Variants in PCDHGB1 observed in about 807,000 individuals in gnomAD.
PCDHGB1 encodes protocadherin gamma-B1.
Under a neutral mutation model 56.6 loss-of-function variants are expected in PCDHGB1, and 34 were observed. The ratio of observed to expected loss-of-function variants is 0.60; its 90% CI spans 0.46 to 0.80. The LOEUF is 0.80. Ranked by LOEUF, PCDHGB1 falls within the 30% of genes least tolerant of loss-of-function variation. The probability of loss-of-function intolerance (pLI) is 0.00; values close to 1 mark genes in which losing one functional copy is unlikely to be tolerated. For missense variants in PCDHGB1, 1,278 were observed against 1,204.6 expected (o/e 1.06, Z -0.90); for synonymous variants, 561 against 505.9 (o/e 1.11, Z -1.46).
chr5:141,458,386 G>T (rs1037969327), intron 1 of PCDHGB1, among the ~76,000 whole-genome samples: 2 of 152,070 alleles, frequency 1.3e-5, no homozygotes, highest in African/African-American at 2.4e-5. Flanking sequence ...GAAGGAAGAC[G>T]CTCCCCCTTG....
chr5:141,503,304 A>G (rs946582779), intron 2 of PCDHGB1, among the ~76,000 whole-genome samples: 1 of 152,150 alleles, frequency 6.6e-6, no homozygotes, highest in African/African-American at 2.4e-5. Flanking sequence ...ATTGCTCAAG[A>G]AAGAATTGTT....
chr5:141,357,302 C>T, intron 1 of PCDHGB1: 1 of 1,614,086 alleles, frequency 6.2e-7, no homozygotes, highest in Non-Finnish European at 8.5e-7. Flanking sequence ...GCCGCTGTCT[C>T]CTGCGTCTTC....
chr5:141,371,078 C>A (rs776361776), intron 1 of PCDHGB1: 1 of 1,613,770 alleles, frequency 6.2e-7, no homozygotes, highest in African/African-American at 1.3e-5. Context: ...CCACCCAGAT[C>A]AGGGTAATTG....
intron 1 of PCDHGB1, chr5:141,415,515 G>C: frequency 6.2e-7 from 1 of 1,614,152 alleles, no homozygotes; most frequent in Non-Finnish European, 8.5e-7. Flanking sequence ...CCAATTATGC[G>C]GACACGCTCA....
chr5:141,477,639 G>T lies in PCDHGB1; in HGVS notation c.2410-17168G>T, dbSNP rs2099414883. ...GGAGCTGAAACCGGGCTAGTGGGTCGCTATTTCACAATAAATCGTGACAAT... is the reference window on the plus strand; with the variant it reads ...GGAGCTGAAACCGGGCTAGTGGGTCTCTATTTCACAATAAATCGTGACAAT... On this transcript the variant is annotated intron_variant, in intron 1 of 3. Transcript: ENST00000523390. The surrounding 1 kb of genome is among the most constrained non-coding windows in gnomAD (Gnocchi z 4.9). 3.1e-6 allele frequency: 5 copies of T among 1,614,004 alleles called. No homozygotes were observed. Among genetic ancestry groups the T allele is most frequent in the Non-Finnish European group, 4.2e-6 (5 of 1,180,034 alleles).
chr5:141,353,837 G>A (rs1434826134), intron 1 of PCDHGB1, among the ~76,000 whole-genome samples: 1 of 152,124 alleles, frequency 6.6e-6, no homozygotes, highest in East Asian at 1.9e-4. Flanking sequence ...TGCGGTCTTT[G>A]AGGATTGTGA....
At position 141,415,428 on chromosome 5, in the gene PCDHGB1, G is replaced by T. The variant is rs948747218; in HGVS notation, c.2409+62759G>T. 1.5e-5 allele frequency: 24 copies of T among 1,614,088 alleles called. No individual in the cohort carries two copies. In the Admixed American group the frequency reaches 1.7e-4, roughly 11 times the overall value. ...ACTTTGTGGGCGTGGACGGGGTTCG[G>T]GCTTTCCTGCAGACCTATTCCCACG... On this transcript the variant is annotated intron_variant, in intron 1 of 3. Transcript: ENST00000523390.
chr5:141,485,118 G>C lies in PCDHGB1; in HGVS notation c.2410-9689G>C, dbSNP rs547390669. 1 of 1,331,536 alleles carries C rather than the reference G, an allele frequency of 7.5e-7. No homozygotes were observed. Among genetic ancestry groups the C allele is most frequent in the East Asian group, 2.3e-5 (1 of 43,534 alleles). The allele number at this position is 1,331,536 out of a possible 1,614,324, so 82.5% of individuals were successfully genotyped here. On this transcript the variant is annotated intron_variant, in intron 1 of 3. Coordinates refer to ENST00000523390, the MANE Select transcript of PCDHGB1 (RefSeq NM_018922.3). The surrounding 1 kb of genome is among the most constrained non-coding windows in gnomAD (Gnocchi z 5.7). ...TCTCCAGCTGCTGTGGCTGTTTGGG[G>C]CGGGTCGGCTTCATCCGCGTCTCAG...
chr5:141,405,527 C>T (rs1055420196), intron 1 of PCDHGB1: 7 of 670,510 alleles, frequency 1.0e-5, no homozygotes, highest in Non-Finnish European at 1.8e-5. Flanking sequence ...TCAAGCGATT[C>T]TCCTGCCTCA....
intron 3 of PCDHGB1, among the ~76,000 whole-genome samples, chr5:141,509,419 T>C (rs2154594533): frequency 6.6e-6 from 1 of 152,216 alleles, no homozygotes; most frequent in South Asian, 2.1e-4. Flanking sequence ...CGAGCCCCAA[T>C]GAGTCAAACT....
Position 141,476,278 on chromosome 5 carries a change from T to C in PCDHGB1, c.2410-18529T>C, listed in dbSNP as rs746655724. On this transcript the variant is annotated intron_variant, in intron 1 of 3. Transcript: ENST00000523390. The surrounding 1 kb of genome is among the most constrained non-coding windows in gnomAD (Gnocchi z 7.6). ...CTGTGGGCAACGTGGTCGCGAACCTTGGTTTGGATCTCGGTAGCCTCTCAG... is the reference window on the plus strand; with the variant it reads ...CTGTGGGCAACGTGGTCGCGAACCTCGGTTTGGATCTCGGTAGCCTCTCAG... The C allele has an allele frequency of 3.2e-5, 52 of 1,613,758 alleles. No homozygotes were observed. Among genetic ancestry groups the C allele is most frequent in the Non-Finnish European group, 4.2e-5 (49 of 1,179,958 alleles).
In PCDHGB1 at chr5:141,350,621, C is replaced by A; in HGVS notation, c.361C>A (p.Gln121Lys). The A allele has an allele frequency of 6.2e-7, 1 of 1,613,982 alleles. No homozygotes were observed. The highest frequency in any genetic ancestry group is 8.5e-7 in the Non-Finnish European group (1 of 1,179,898). The change falls in exon 1 of 4, where the codon CAA (glutamine) becomes AAA (lysine). Residue 121 changes from glutamine (Q) to lysine (K), a missense_variant. By Grantham distance (53) the Gln-to-Lys change is moderately conservative. Coordinates refer to ENST00000523390, the MANE Select transcript of PCDHGB1 (RefSeq NM_018922.3). ...MNVFHVVVVI[Q>K]DINDNAPRFV... ...TGTTTTCCACGTGGTTGTTGTAATCCAAGATATTAATGACAATGCACCACG... is the reference window on the plus strand; with the variant it reads ...TGTTTTCCACGTGGTTGTTGTAATCAAAGATATTAATGACAATGCACCACG...
chr5:141,415,001 C>G (rs1326591845), intron 1 of PCDHGB1: 2 of 1,613,712 alleles, frequency 1.2e-6, no homozygotes, highest in Non-Finnish European at 1.7e-6. Context: ...GCCTGGCTGT[C>G]CTACCGTCTG....
Position 141,405,054 on chromosome 5 carries a change from C to G in PCDHGB1, c.2409+52385C>G, listed in dbSNP as rs773491411. ...CTCGTTGTGGCTGTGGCAGTCGTCT[C>G]CTGTGTCTTCCTCACCTTCGTTATC... On this transcript the variant is annotated intron_variant, in intron 1 of 3. Transcript: ENST00000523390. The G allele has an allele frequency of 2.3e-5, 37 of 1,613,806 alleles. 1 individual carries two copies. The South Asian group carries it at 4.1e-4, about 18-fold the overall frequency.
chr5:141,398,654 C>G, intron 1 of PCDHGB1: 1 of 1,613,998 alleles, frequency 6.2e-7, no homozygotes, highest in South Asian at 1.1e-5. Context: ...TCTCTTAACC[C>G]AAGTTTCTCA....
chr5:141,421,163 G>C, intron 1 of PCDHGB1: 2 of 1,276,926 alleles, frequency 1.6e-6, no homozygotes, highest in Non-Finnish European at 2.1e-6. Flanking sequence ...GGACTTCATA[G>C]ATACATAAGC....
intron 1 of PCDHGB1, among the ~76,000 whole-genome samples, chr5:141,447,413 C>T (rs1279399546): frequency 6.6e-6 from 1 of 152,204 alleles, no homozygotes; most frequent in Non-Finnish European, 1.5e-5. Flanking sequence ...GCTGGGATTA[C>T]AGGCGTGAGC....
At chr5:141,389,394 T>C (rs753490190) in intron 1 of PCDHGB1, 2 of 1,613,672 alleles carry the variant, frequency 1.2e-6, no homozygotes, top group South Asian at 2.2e-5. Flanking sequence ...ATCCTACGTG[T>C]CCATAAGCGC....
At position 141,356,140 on chromosome 5, in the gene PCDHGB1, T is replaced by C. The variant is rs756946574; in HGVS notation, c.2409+3471T>C. ...GGGTCTAGATTATGAGGACTCTGGA[T>C]TCTATGACATAGATGTAGAAGCCCA... On this transcript the variant is annotated intron_variant, in intron 1 of 3. Transcript: ENST00000523390. 2.0e-5 allele frequency: 32 copies of C among 1,613,616 alleles called. No homozygotes were observed. Among genetic ancestry groups the C allele is most frequent in the Non-Finnish European group, 2.5e-5 (30 of 1,179,778 alleles).
Sources: gnomAD v4.1 joint callset for allele counts (sites outside exome capture counted in the v4.1 genomes callset) on GRCh38, gnomAD v4.1.1 for gene constraint, Gnocchi (gnomAD v3.1) non-coding constraint, MANE v1.5 for transcripts, NCBI Gene and HGNC (gene_info 2026-07-23, HGNC 2026-07-21) for gene names.